SRGAP1: variants seen among roughly 807,000 people sequenced by gnomAD.
The protein encoded by SRGAP1 is SLIT-ROBO Rho GTPase activating protein 1.
In SRGAP1, 43 loss-of-function variants were observed where a neutral mutation model predicts 121.9. The ratio of observed to expected loss-of-function variants is 0.35; its 90% CI spans 0.28 to 0.46. The LOEUF is 0.46. Ranked by LOEUF, SRGAP1 falls within the 20% of genes least tolerant of loss-of-function variation. The pLI is 1.00. For missense variants in SRGAP1, 1,102 were observed against 1,350.9 expected, an observed-to-expected ratio of 0.82 and a Z score of 2.89; for synonymous variants, 447 against 485.4, an observed-to-expected ratio of 0.92 and a Z score of 1.04.
At chr12:63,930,382 T>G in intron 1 of SRGAP1, among the ~76,000 whole-genome samples, 1 of 151,998 alleles carries the variant, frequency 6.6e-6, no homozygotes, top group East Asian at 1.9e-4. Context: ...CAAATCATTT[T>G]TTTTCTTTTA....
intron 1 of SRGAP1, among the ~76,000 whole-genome samples, chr12:63,855,931 C>T (rs1256135975): frequency 1.3e-5 from 2 of 152,136 alleles, no homozygotes; most frequent in African/African-American, 4.8e-5. Flanking sequence ...CAAATATCTG[C>T]TCCCAGTCTG....
intron 1 of SRGAP1, among the ~76,000 whole-genome samples, chr12:63,974,018 G>A (rs1220616390): frequency 6.6e-6 from 1 of 152,122 alleles, no homozygotes; most frequent in African/African-American, 2.4e-5. Context: ...CTGTCTTTCT[G>A]TAGTAGTAAA....
In SRGAP1 at chr12:64,155,562, AAT is replaced by A. The variant is rs1565705793; in HGVS notation, c.*12895_*12896del. On this transcript the variant is annotated 3_prime_UTR_variant, in exon 22 of 22. Coordinates refer to ENST00000355086, the MANE Select transcript of SRGAP1 (RefSeq NM_020762.4). Reference sequence around the variant, plus strand: ...CCGTCTCAAAATAAATAAATAAATAAATATATTAAAAAATAAACAAGTTCAGG... The same window carrying A: ...CCGTCTCAAAATAAATAAATAAATAAATATTAAAAAATAAACAAGTTCAGG... 6.6e-6 allele frequency: 1 copy of A among 151,714 alleles called. No homozygotes were observed. The highest frequency in any genetic ancestry group is 2.4e-5 in the African/African-American group (1 of 41,276). 9.4% of individuals were successfully genotyped at this position (151,714 alleles called of 1,614,324 possible).
chr12:64,137,852 A>T (rs2036879053), intron 21 of SRGAP1, among the ~76,000 whole-genome samples: 1 of 151,810 alleles, frequency 6.6e-6, no homozygotes, highest in African/African-American at 2.4e-5. Flanking sequence ...TGAGTGGGAG[A>T]AGCCCTGGGA....
At chr12:63,849,264 A>G (rs1898999484) in intron 1 of SRGAP1, among the ~76,000 whole-genome samples, 1 of 152,292 alleles carries the variant, frequency 6.6e-6, no homozygotes, top group African/African-American at 2.4e-5. Flanking sequence ...ATTGGCTAGC[A>G]GAAGGTTTTG....
chr12:63,900,295 T>C (rs1442890534), intron 1 of SRGAP1, among the ~76,000 whole-genome samples: 9 of 144,216 alleles, frequency 6.2e-5, no homozygotes, highest in African/African-American at 1.0e-4. Context: ...AGCCTCTGCC[T>C]CCCGGGTTCA....
rs1898839325 is a variant in SRGAP1, at chr12:63,844,715, A to G, written c.-102A>G. ...TCCCTCGGGTCGGCGCTGCCTCTGGATTGCCTGCGTGTGGGAGTACAACTC... is the reference window on the plus strand; with the variant it reads ...TCCCTCGGGTCGGCGCTGCCTCTGGGTTGCCTGCGTGTGGGAGTACAACTC... On this transcript the variant is annotated 5_prime_UTR_variant, in exon 1 of 22. Transcript: ENST00000355086. The surrounding 1 kb of genome is among the most constrained non-coding windows in gnomAD (Gnocchi z 4.3). The G allele has an allele frequency of 2.6e-6, 3 of 1,138,886 alleles. No homozygotes were observed. Among genetic ancestry groups the G allele is most frequent in the South Asian group, 2.5e-5 (2 of 81,284 alleles). 70.5% of individuals were successfully genotyped at this position (1,138,886 alleles called of 1,614,324 possible).
At chr12:64,125,259 T>G (rs2036669331) in intron 18 of SRGAP1, among the ~76,000 whole-genome samples, 1 of 152,244 alleles carries the variant, frequency 6.6e-6, no homozygotes, top group African/African-American at 2.4e-5. Flanking sequence ...ATCATTCCCT[T>G]GAATATCTTT....
At chr12:64,062,823 TC>T (rs1390633650) in intron 6 of SRGAP1, 93 bp from the exon 7 acceptor site, 2 of 880,964 alleles carry the variant, frequency 2.3e-6, no homozygotes, top group Non-Finnish European at 3.5e-6. Context: ...CCCCCATGTT[TC>T]CTTCTGAGAG....
intron 3 of SRGAP1, among the ~76,000 whole-genome samples, chr12:64,008,910 T>C (rs1166079469): frequency 6.6e-6 from 1 of 152,164 alleles, no homozygotes; most frequent in Non-Finnish European, 1.5e-5. Context: ...CACAATGTGG[T>C]CTAATTTGCT....
chr12:63,857,232 AC>A (rs1467438555), intron 1 of SRGAP1, among the ~76,000 whole-genome samples: 9 of 151,252 alleles, frequency 6.0e-5, no homozygotes, highest in African/African-American at 2.0e-4. Flanking sequence ...GGCATGCTCC[AC>A]CACGCCCAGC....
intron 6 of SRGAP1, among the ~76,000 whole-genome samples, chr12:64,049,712 A>G (rs1356882844): frequency 2.6e-5 from 4 of 152,172 alleles, no homozygotes; most frequent in African/African-American, 7.2e-5. Context: ...TGGGTTCTCT[A>G]TTCTGTTCCA....
intron 18 of SRGAP1, among the ~76,000 whole-genome samples, chr12:64,122,261 T>G (rs1233402752): frequency 1.3e-5 from 2 of 152,208 alleles, no homozygotes; most frequent in Admixed American, 6.5e-5. Flanking sequence ...CTCACTATTA[T>G]TGTTATTGAT....
At chr12:63,857,695 T>C (rs1359447663) in intron 1 of SRGAP1, among the ~76,000 whole-genome samples, 1 of 152,240 alleles carries the variant, frequency 6.6e-6, no homozygotes, top group Non-Finnish European at 1.5e-5. Context: ...CAGTTTACTT[T>C]TACATAGCCA....
chr12:63,926,876 A>G (rs1375067067), intron 1 of SRGAP1, among the ~76,000 whole-genome samples: 1 of 152,112 alleles, frequency 6.6e-6, no homozygotes, highest in Admixed American at 6.6e-5. Flanking sequence ...GTTTGTTTAC[A>G]GAGTCTAATA....
intron 1 of SRGAP1, among the ~76,000 whole-genome samples, chr12:63,962,509 G>A (rs1025382368): frequency 8.5e-5 from 13 of 152,218 alleles, no homozygotes; most frequent in African/African-American, 3.1e-4. Flanking sequence ...CCGGGTTCAA[G>A]CAATTCTCCT....
intron 1 of SRGAP1, among the ~76,000 whole-genome samples, chr12:63,937,809 C>T (rs970222236): frequency 1.3e-5 from 2 of 152,220 alleles, no homozygotes; most frequent in Non-Finnish European, 2.9e-5. Context: ...AAAGCCACAG[C>T]GCTTTCTTAT....
chr12:63,950,765 A>G (rs1484913871), intron 1 of SRGAP1, among the ~76,000 whole-genome samples: 1 of 152,138 alleles, frequency 6.6e-6, no homozygotes, highest in Non-Finnish European at 1.5e-5. Context: ...GAGCAGAAAC[A>G]TTTGAGATGT....
intron 1 of SRGAP1, among the ~76,000 whole-genome samples, chr12:63,957,862 TA>T (rs1325405072): frequency 6.6e-6 from 1 of 152,148 alleles, no homozygotes; most frequent in Non-Finnish European, 1.5e-5. Context: ...ATGAGTGATA[TA>T]AAAAAATCTC....
Sources: allele counts gnomAD v4.1 joint callset (sites outside exome capture counted in the v4.1 genomes callset), GRCh38; gene constraint gnomAD v4.1.1; non-coding constraint Gnocchi (gnomAD v3.1); transcripts MANE v1.5; gene names NCBI Gene and HGNC (gene_info 2026-07-23, HGNC 2026-07-21).